The following TSPOAP1 variants were observed in gnomAD, a reference collection of about 807,000 sequenced individuals.
The protein encoded by TSPOAP1 is peripheral-type benzodiazepine receptor-associated protein 1.
Under a neutral mutation model 197.0 loss-of-function variants are expected in TSPOAP1, and 87 were observed. The ratio of observed to expected loss-of-function variants is 0.44; its 90% confidence interval spans 0.37 to 0.53. TSPOAP1 has a LOEUF of 0.53. Ranked by LOEUF, TSPOAP1 falls within the 20% of genes least tolerant of loss-of-function variation. TSPOAP1 has a pLI of 0.00. For missense variants in TSPOAP1, 2,174 were observed against 2,411.3 expected (o/e 0.90, Z 2.06); for synonymous variants, 913 against 998.9 (o/e 0.91, Z 1.62).
chr17:58,320,312 T>G (rs577542853), intron 11 of TSPOAP1, among the ~76,000 whole-genome samples, 183 bp from the exon 12 acceptor site: 119 of 152,138 alleles, frequency 7.8e-4, no homozygotes, highest in African/African-American at 2.7e-3. Flanking sequence ...GTGGCAGCAA[T>G]GGGAGACTGC....
At position 58,312,498 on chromosome 17, in the gene TSPOAP1, C is replaced by T. The variant is rs1415915832; in HGVS notation, c.2323G>A (p.Glu775Lys). The part of the protein sequence containing the change: ...PRPEEEDAGD[E>K]LSLSPSPEGL... ...TCCGGTGATGGGCTCAGACTGAGCTCGTCCCCTGCATCCTCCTCCTCAGGT... is the reference window on the plus strand; with the variant it reads ...TCCGGTGATGGGCTCAGACTGAGCTTGTCCCCTGCATCCTCCTCCTCAGGT... The change falls in exon 17 of 32, where the codon GAG (glutamate) becomes AAG (lysine). Residue 775 changes from glutamate (E) to lysine (K), a missense_variant. Glu to Lys is a moderately conservative substitution (Grantham distance 56, BLOSUM62 1). Coordinates refer to ENST00000343736, the MANE Select transcript of TSPOAP1 (RefSeq NM_004758.4). 1.3e-5 allele frequency: 21 copies of T among 1,602,684 alleles called. No individual in the cohort carries two copies. Among genetic ancestry groups the T allele is most frequent in the Non-Finnish European group, 1.6e-5 (19 of 1,174,600 alleles).
chr17:58,311,548 G>A (rs1239113599), intron 18 of TSPOAP1, 23 bp downstream of exon 18: 1 of 1,533,732 alleles, frequency 6.5e-7, no homozygotes, highest in Admixed American at 2.1e-5. Context: ...CCCACTCCCA[G>A]GGTACAGTGG....
chr17:58,323,100 A>C, intron 7 of TSPOAP1, 61 bp from the exon 8 acceptor site: 1 of 1,546,198 alleles, frequency 6.5e-7, no homozygotes, highest in Non-Finnish European at 8.8e-7. Flanking sequence ...CTCTCCCCAC[A>C]CAGAGGACCC....
At chr17:58,310,281 C>T in intron 20 of TSPOAP1, 123 bp from the exon 21 acceptor site, 1 of 1,179,132 alleles carries the variant, frequency 8.5e-7, no homozygotes, top group Non-Finnish European at 1.2e-6. Flanking sequence ...GAGCCATGTC[C>T]TAAATGGGGG....
intron 11 of TSPOAP1, 82 bp from the exon 12 acceptor site, chr17:58,320,211 G>A: frequency 2.6e-6 from 4 of 1,518,324 alleles, no homozygotes; most frequent in South Asian, 2.3e-5. Context: ...GCGGAGAAGG[G>A]GGCCTAAGTG....
chr17:58,307,064 A>G, intron 24 of TSPOAP1, 96 bp from the exon 25 acceptor site: 1 of 1,323,964 alleles, frequency 7.6e-7, no homozygotes, highest in Non-Finnish European at 1.0e-6. Context: ...ATGCAGAAGA[A>G]TGTTCTCCCT....
chr17:58,310,415 A>G (rs1025555964), intron 20 of TSPOAP1, 97 bp downstream of exon 20: 2 of 1,534,562 alleles, frequency 1.3e-6, no homozygotes, highest in Admixed American at 1.9e-5. Context: ...ACCAGAGCAG[A>G]GGACAGGCAG....
intron 10 of TSPOAP1, among the ~76,000 whole-genome samples, chr17:58,321,880 G>A (rs959657146): frequency 2.0e-5 from 3 of 152,190 alleles, no homozygotes; most frequent in Admixed American, 6.5e-5. Context: ...GTTAAGGCCC[G>A]ACAGGATCGG....
intron 29 of TSPOAP1, 100 bp from the exon 30 acceptor site, chr17:58,305,271 G>T: frequency 6.7e-7 from 1 of 1,486,762 alleles, no homozygotes; most frequent in East Asian, 2.3e-5. Context: ...CAAAACCACT[G>T]TCCAGGGAGG....
At position 58,324,509 on chromosome 17, in the gene TSPOAP1, A is replaced by G. The variant is rs1003941090; in HGVS notation, c.942+302T>C. Reference sequence around the variant, plus strand: ...GCCCCGGGCGGCTGCCAGGACAACCAGGGATTTGCGGCCGGGCCGTACCAC... The same window carrying G: ...GCCCCGGGCGGCTGCCAGGACAACCGGGGATTTGCGGCCGGGCCGTACCAC... On this transcript the variant is annotated intron_variant, in intron 5 of 31. Transcript: ENST00000343736. The surrounding 1 kb of genome is among the most constrained non-coding windows in gnomAD (Gnocchi z 5.8). Among the ~76,000 whole-genome samples, 2 of 151,668 alleles carry G rather than the reference A, an allele frequency of 1.3e-5. No individual in the cohort carries two copies. The highest frequency in any genetic ancestry group is 2.9e-5 in the Non-Finnish European group (2 of 67,840).
At position 58,312,089 on chromosome 17, in the gene TSPOAP1, T is replaced by C. The variant is rs1421878576; in HGVS notation, c.2732A>G (p.His911Arg). The C allele has an allele frequency of 6.2e-7, 1 of 1,613,408 alleles. No individual in the cohort carries two copies. The highest frequency in any genetic ancestry group is 1.7e-5 in the Admixed American group (1 of 60,030). The change falls in exon 17 of 32, where the codon CAT becomes CGT. Residue 911 changes from histidine to arginine, a missense_variant. Physicochemically the swap from His to Arg is conservative, Grantham distance 29 (BLOSUM62 0). Coordinates refer to ENST00000343736, the MANE Select transcript of TSPOAP1 (RefSeq NM_004758.4). Reference protein sequence around the residue: ...TWVPGNSNLAHAIYLNGEECP... With the variant: ...TWVPGNSNLARAIYLNGEECP... The stretch of plus-strand genomic sequence containing the variant: ...CTCTTCCCCATTGAGGTAGATGGCA[T>C]GGGCCAAGTTGCTATTGCCGGGCAC...
chr17:58,311,019 C>A lies in TSPOAP1; in HGVS notation c.3276G>T (p.Pro1092=). The change falls in exon 19 of 32, where the codon CCG becomes CCT. Residue 1092 remains proline, a synonymous_variant. Transcript: ENST00000343736. The part of the protein sequence containing the change: ...SLPARVSCPS[P]HPSPEARAPL... ...GCGCTCTGGCCTCTGGGCTTGGGTG[C>A]GGTGAGGGGCAGGAGACTCGGGCTG... 4 of 1,594,124 alleles carry A rather than the reference C, an allele frequency of 2.5e-6. No individual in the cohort carries two copies. The highest frequency in any genetic ancestry group is 3.4e-6 in the Non-Finnish European group (4 of 1,170,402).
Position 58,312,094 on chromosome 17 carries a change from C to G in TSPOAP1, c.2727G>C (p.Leu909Phe). 1 of 1,613,390 alleles carries G rather than the reference C, an allele frequency of 6.2e-7. No individual in the cohort carries two copies. Residue 909 changes from leucine (L) to phenylalanine (F), a missense_variant, in exon 17 of 32, where the codon TTG (leucine) becomes TTC (phenylalanine). Transcript: ENST00000343736. ...EITWVPGNSN[L>F]AHAIYLNGEE... ...CCCCATTGAGGTAGATGGCATGGGC[C>G]AAGTTGCTATTGCCGGGCACCCAGG...
chr17:58,302,103 A>G lies in TSPOAP1; in HGVS notation c.*377T>C. The G allele has an allele frequency of 3.7e-6, 2 of 543,774 alleles. No homozygotes were observed. The highest frequency in any genetic ancestry group is 5.6e-6 in the Non-Finnish European group (2 of 354,808). 33.7% of individuals were successfully genotyped at this position (543,774 alleles called of 1,614,324 possible). A position where few individuals can be genotyped will look rare whatever the true frequency, so the allele number is the denominator to read the frequency against. On this transcript the variant is annotated 3_prime_UTR_variant, in exon 32 of 32. Coordinates refer to ENST00000343736, the MANE Select transcript of TSPOAP1 (RefSeq NM_004758.4). ...CTAGAGAGTTCATCCTTAAGGAGCC[A>G]TTTAGCTCTGACCTTCACCAAGGCT...
Position 58,328,720 on chromosome 17 carries a change from C to T in TSPOAP1, c.-800G>A, listed in dbSNP as rs1971732583. 1 of 152,492 alleles carries T rather than the reference C, an allele frequency of 6.6e-6. No homozygotes were observed. The highest frequency in any genetic ancestry group is 1.5e-5 in the Non-Finnish European group (1 of 68,260). The allele number at this position is 152,492 out of a possible 1,614,324, so 9.4% of individuals were successfully genotyped here. On this transcript the variant is annotated 5_prime_UTR_variant, in exon 1 of 32. Transcript: ENST00000343736. This position sits in a 1 kb window ranked among gnomAD's most constrained non-coding sequence, Gnocchi z 4.3. ...GTCTCAGCCCCTGCTGGCCTCTGCT[C>T]TGGGGACTGCAGGGGTCCCTTACAG...
In TSPOAP1 at chr17:58,316,492, G is replaced by C; in HGVS notation, c.1921C>G (p.Leu641Val). The change falls in exon 15 of 32, where the codon CTG (leucine) becomes GTG (valine). Residue 641 changes from leucine (L) to valine (V), a missense_variant. This residue lies in a region of TSPOAP1 where 1,933 missense variants were observed against 2,139.0 expected (regional missense o/e 0.90). Transcript: ENST00000343736. The part of the protein sequence containing the change: ...VEELEADSVS[L>V]LPAAPEGSRG... ...CTGCCCTCTGGCGCAGCTGGGAGCA[G>C]GGAGACACTGTCTGCCTCCAGCTCC... 6.2e-7 allele frequency: 1 copy of C among 1,613,692 alleles called. No individual in the cohort carries two copies. Among genetic ancestry groups the C allele is most frequent in the Non-Finnish European group, 8.5e-7 (1 of 1,179,740 alleles).
intron 31 of TSPOAP1, chr17:58,303,697 G>C (rs989306594): frequency 6.6e-6 from 1 of 152,240 alleles, no homozygotes; most frequent in African/African-American, 2.4e-5. Flanking sequence ...ACCCAGGCTG[G>C]AGTGCAGTGG....
In TSPOAP1 at chr17:58,308,658, C is replaced by G. The variant is rs764656270; in HGVS notation, c.4614G>C (p.Gly1538=). 1 of 1,611,072 alleles carries G rather than the reference C, an allele frequency of 6.2e-7. No homozygotes were observed. Among genetic ancestry groups the G allele is most frequent in the Admixed American group, 1.7e-5 (1 of 59,902 alleles). ...WGTATVGRPR[G]PPKANSGPKP... is the part of the protein sequence containing the mutation. ...TGGGGCCTGAATTGGCCTTCGGAGG[C>G]CCCCTGGGCCTTCCTACAGTTGCTG... The change falls in exon 22 of 32, where the codon GGG becomes GGC. Residue 1538 remains glycine, a synonymous_variant. Transcript: ENST00000343736.
At chr17:58,325,513 G>A in intron 4 of TSPOAP1, 21 bp downstream of exon 4, 1 of 1,611,214 alleles carries the variant, frequency 6.2e-7, no homozygotes, top group Non-Finnish European at 8.5e-7. Flanking sequence ...GCTGGAAGAG[G>A]TGACCAGGGC....
Sources: allele counts gnomAD v4.1 joint callset (sites outside exome capture counted in the v4.1 genomes callset), GRCh38; gene constraint gnomAD v4.1.1; regional missense constraint gnomAD v4.1.1; non-coding constraint Gnocchi (gnomAD v3.1); transcripts MANE v1.5; gene names NCBI Gene and HGNC (gene_info 2026-07-23, HGNC 2026-07-21).